The following ITPR1 variants were observed in gnomAD, a reference collection of about 807,000 sequenced individuals.
ITPR1 encodes the protein inositol 1,4,5-trisphosphate receptor type 1, also known as inositol 1,4,5-trisphosphate-gated calcium channel ITPR1.
In ITPR1, 96 loss-of-function variants were observed where a neutral mutation model predicts 318.4. That is an observed-to-expected ratio of 0.30 (90% confidence interval 0.26 to 0.36). The LOEUF is 0.36. ITPR1 is among the 10% of genes least tolerant of loss of function. The pLI is 1.00. For missense variants in ITPR1, 2,440 were observed against 3,460.2 expected (o/e 0.71, Z 7.40); for synonymous variants, 1,312 against 1,289.9 (o/e 1.02, Z -0.37).
intron 42 of ITPR1, among the ~76,000 whole-genome samples, 190 bp downstream of exon 42, chr3:4,727,363 C>G (rs1381045166): frequency 6.6e-6 from 1 of 152,098 alleles, no homozygotes; most frequent in Non-Finnish European, 1.5e-5. Context: ...TCTACCTGAT[C>G]AGAGCACTGT....
chr3:4,599,645 G>A lies in ITPR1; in HGVS notation c.164-28118G>A, dbSNP rs116807708. On this transcript the variant is annotated intron_variant, in intron 4 of 61. Coordinates refer to ENST00000649015, the MANE Select transcript of ITPR1 (RefSeq NM_001378452.1). ...TTGATGAAAACTGGGAACAAGAGAA[G>A]CAGTGAACTCTAAACGTGAAAATGG... 9.3e-3 allele frequency among the ~76,000 whole-genome samples: 1,423 copies of A among 152,306 alleles called. 15 individuals carry two copies. Among genetic ancestry groups the A allele is most frequent in the African/African-American group, 0.032 (1,335 of 41,564 alleles).
At chr3:4,652,649 G>A (rs1341420644) in intron 11 of ITPR1, among the ~76,000 whole-genome samples, 1 of 152,146 alleles carries the variant, frequency 6.6e-6, no homozygotes, top group Non-Finnish European at 1.5e-5. Flanking sequence ...GCTACTCAGA[G>A]CATTAGTGGA....
At position 4,677,387 on chromosome 3, in the gene ITPR1, A is replaced by C. The variant is rs140329526; in HGVS notation, c.2967+586A>C. Among the ~76,000 whole-genome samples, 465 of 152,332 alleles carry C rather than the reference A, an allele frequency of 3.1e-3. 2 individuals are homozygous for C. Among genetic ancestry groups the C allele is most frequent in the Non-Finnish European group, 4.2e-3 (287 of 68,018 alleles). ...AGGAGGGTCAGGATTGTTTGGAGAC[A>C]CTGAGGACAGGGGGCTGGGGTTATT... On this transcript the variant is annotated intron_variant, in intron 24 of 61. Coordinates refer to ENST00000649015, the MANE Select transcript of ITPR1 (RefSeq NM_001378452.1).
intron 51 of ITPR1, 79 bp downstream of exon 51, chr3:4,783,999 C>A (rs1177072439): frequency 2.1e-6 from 2 of 951,682 alleles, no homozygotes; most frequent in Non-Finnish European, 3.2e-6. Flanking sequence ...GGCTGGCGTG[C>A]ATTCATTCAT....
chr3:4,763,461 T>G (rs1160430746), intron 44 of ITPR1, among the ~76,000 whole-genome samples: 1 of 152,012 alleles, frequency 6.6e-6, no homozygotes, highest in African/African-American at 2.4e-5. Context: ...ATACCAAGAG[T>G]AGTGTAACTG....
At chr3:4,587,174 C>G (rs2089989514) in intron 4 of ITPR1, among the ~76,000 whole-genome samples, 1 of 151,700 alleles carries the variant, frequency 6.6e-6, no homozygotes, top group Non-Finnish European at 1.5e-5. Flanking sequence ...ATGCAGATTC[C>G]GAAACAGCCT....
rs2041770859 is a variant in ITPR1 at position 4,716,458 on chromosome 3, A to G, written c.5104-909A>G. On this transcript the variant is annotated intron_variant, in intron 39 of 61. Coordinates refer to ENST00000649015, the MANE Select transcript of ITPR1 (RefSeq NM_001378452.1). Reference sequence around the variant, plus strand: ...AATTAATGTAAAAGGATATCTTAGAATGTATTTAAAATCCATTTCCCTTCT... The same window carrying G: ...AATTAATGTAAAAGGATATCTTAGAGTGTATTTAAAATCCATTTCCCTTCT... Among the ~76,000 whole-genome samples the G allele has an allele frequency of 4.6e-5, 7 of 152,332 alleles. No individual in the cohort carries two copies. The South Asian group carries it at 1.4e-3, about 32-fold the overall frequency.
intron 4 of ITPR1, among the ~76,000 whole-genome samples, chr3:4,622,266 C>T (rs1213646434): frequency 2.6e-5 from 4 of 151,628 alleles, no homozygotes; most frequent in African/African-American, 9.7e-5. Context: ...AGGCGCATGC[C>T]ACCATGCCCA....
chr3:4,690,567 C>T (rs1321179306), intron 31 of ITPR1, among the ~76,000 whole-genome samples: 1 of 152,148 alleles, frequency 6.6e-6, no homozygotes, highest in Admixed American at 6.6e-5. Flanking sequence ...TACTTTGTGA[C>T]CCAACAATTC....
chr3:4,757,956 G>A (rs2045136820), intron 44 of ITPR1, among the ~76,000 whole-genome samples: 1 of 152,120 alleles, frequency 6.6e-6, no homozygotes, highest in Non-Finnish European at 1.5e-5. Context: ...GGTGGGAGAT[G>A]TCCTCTGAAG....
At chr3:4,776,102 G>A (rs145830132) in intron 47 of ITPR1, among the ~76,000 whole-genome samples, 81 of 152,260 alleles carry the variant, frequency 5.3e-4, no homozygotes, top group Non-Finnish European at 9.6e-4. Flanking sequence ...TTTTGGAGAC[G>A]GAGTCTCACT....
At chr3:4,545,712 T>TTTG (rs2084923580) in intron 4 of ITPR1, among the ~76,000 whole-genome samples, 1 of 149,734 alleles carries the variant, frequency 6.7e-6, no homozygotes, top group African/African-American at 2.4e-5. Flanking sequence ...TTTTTTTTTT[T>TTTG]TTAAAGACAG....
At chr3:4,686,395 A>G in intron 30 of ITPR1, among the ~76,000 whole-genome samples, 1 of 152,222 alleles carries the variant, frequency 6.6e-6, no homozygotes, top group East Asian at 1.9e-4. Flanking sequence ...TAGTTGATAC[A>G]GGTGTGCATT....
At chr3:4,629,694 A>G (rs1018918141) in intron 5 of ITPR1, among the ~76,000 whole-genome samples, 35 of 152,266 alleles carry the variant, frequency 2.3e-4, no homozygotes, top group African/African-American at 8.0e-4. Context: ...AAGAATAAAG[A>G]GGCAGTGATA....
At chr3:4,662,422 G>A (rs1318679201) in intron 15 of ITPR1, among the ~76,000 whole-genome samples, 180 bp downstream of exon 15, 2 of 152,050 alleles carry the variant, frequency 1.3e-5, no homozygotes, top group African/African-American at 4.8e-5. Context: ...TTCATTTTTT[G>A]AGTCTCTAAA....
At chr3:4,660,425 G>A (rs1354350226) in intron 13 of ITPR1, among the ~76,000 whole-genome samples, 1 of 150,162 alleles carries the variant, frequency 6.7e-6, no homozygotes, top group East Asian at 1.9e-4. Flanking sequence ...CTTTGTTTAT[G>A]ATGGTTCTTT....
At chr3:4,666,968 C>G (rs746784883) in intron 17 of ITPR1, among the ~76,000 whole-genome samples, 1 of 152,198 alleles carries the variant, frequency 6.6e-6, no homozygotes, top group Non-Finnish European at 1.5e-5. Context: ...TGTTCCAGAT[C>G]TCCAGGTAGG....
chr3:4,616,556 T>G (rs2092396854), intron 4 of ITPR1, among the ~76,000 whole-genome samples: 1 of 152,234 alleles, frequency 6.6e-6, no homozygotes, highest in Non-Finnish European at 1.5e-5. Context: ...TATCACCTAT[T>G]GATTTCATCT....
Position 4,627,730 on chromosome 3 carries a change from A to G in ITPR1, c.164-33A>G, listed in dbSNP as rs764644504. On this transcript the variant is annotated intron_variant, in intron 4 of 61. Coordinates refer to ENST00000649015, the MANE Select transcript of ITPR1 (RefSeq NM_001378452.1). Reference sequence around the variant, plus strand: ...TAGGCTGAGTCTCTATACACCCTCAATGGCAATTTCTGTTTGTTTGCTTCA... The same window carrying G: ...TAGGCTGAGTCTCTATACACCCTCAGTGGCAATTTCTGTTTGTTTGCTTCA... The G allele has an allele frequency of 9.4e-6, 13 of 1,383,416 alleles. No homozygotes were observed. The East Asian group carries it at 1.1e-4, about 12-fold the overall frequency. The allele number at this position is 1,383,416 out of a possible 1,614,324, so 85.7% of individuals were successfully genotyped here.
Sources: gnomAD v4.1 joint callset for allele counts (sites outside exome capture counted in the v4.1 genomes callset) on GRCh38, gnomAD v4.1.1 for gene constraint, MANE v1.5 for transcripts, NCBI Gene and HGNC (gene_info 2026-07-23, HGNC 2026-07-21) for gene names.